SPON1: variants seen among roughly 807,000 people sequenced by gnomAD.
SPON1 encodes the protein spondin-1.
In SPON1, 52 loss-of-function variants were observed where a neutral mutation model predicts 111.7. The observed-to-expected ratio is 0.47, with a 90% CI of 0.37 to 0.59. SPON1 has a LOEUF of 0.59. Ranked by LOEUF, SPON1 falls within the 20% of genes least tolerant of loss-of-function variation. The probability of loss-of-function intolerance (pLI) is 0.00; values close to 1 mark genes in which losing one functional copy is unlikely to be tolerated. For missense variants in SPON1, 957 were observed against 1,068.5 expected (o/e 0.90, Z 1.46); for synonymous variants, 410 against 395.8 (o/e 1.04, Z -0.43).
chr11:13,967,606 A>G (rs1055658107), intron 1 of SPON1, among the ~76,000 whole-genome samples: 14 of 152,184 alleles, frequency 9.2e-5, no homozygotes, highest in African/African-American at 3.1e-4. Context: ...TTATATGACC[A>G]TGCCTGTAAA....
chr11:14,121,023 C>A, intron 5 of SPON1, among the ~76,000 whole-genome samples: 1 of 152,158 alleles, frequency 6.6e-6, no homozygotes, highest in Non-Finnish European at 1.5e-5. Context: ...CTGATGCATA[C>A]AACAACATGG....
chr11:14,012,533 C>T (rs1554913837), intron 2 of SPON1, among the ~76,000 whole-genome samples: 1 of 152,156 alleles, frequency 6.6e-6, no homozygotes, highest in Non-Finnish European at 1.5e-5. Flanking sequence ...AGACTTTTCT[C>T]CATAAATGCA....
At chr11:14,177,809 G>A (rs1420637248) in intron 6 of SPON1, among the ~76,000 whole-genome samples, 2 of 152,132 alleles carry the variant, frequency 1.3e-5, no homozygotes, top group Non-Finnish European at 2.9e-5. Context: ...CCTACACCCA[G>A]GAATGAACAA....
At position 14,052,264 on chromosome 11, in the gene SPON1, A is replaced by AGCAC. The variant is rs528596599; in HGVS notation, c.479+10611_479+10614dup. ...GATGAGTATTAAGAAGCAATTAGCT[A>AGCAC]GCACTCATAATACTTTGTAATTTCG... On this transcript the variant is annotated intron_variant, in intron 3 of 15. Transcript: ENST00000576479. Among the ~76,000 whole-genome samples, 5 of 152,384 alleles carry AGCAC rather than the reference A, an allele frequency of 3.3e-5. No individual in the cohort carries two copies. The South Asian group carries it at 6.2e-4, about 19-fold the overall frequency.
intron 3 of SPON1, among the ~76,000 whole-genome samples, chr11:14,073,926 G>T (rs1173553019): frequency 6.6e-6 from 1 of 152,182 alleles, no homozygotes; most frequent in Non-Finnish European, 1.5e-5. Context: ...TGGAGCCTTT[G>T]GCTGAAGCAG....
In SPON1 at chr11:14,265,696, C is replaced by G; in HGVS notation, c.*9C>G. On this transcript the variant is annotated 3_prime_UTR_variant, in exon 16 of 16. Coordinates refer to ENST00000576479, the MANE Select transcript of SPON1 (RefSeq NM_006108.4). ...ATGTTCATCCTTGTTAGCAAGGGTA[C>G]GAGTTCCCCAGGGCTGCACTCTAGA... 6.2e-7 allele frequency: 1 copy of G among 1,612,092 alleles called. No homozygotes were observed. Among genetic ancestry groups the G allele is most frequent in the Non-Finnish European group, 8.5e-7 (1 of 1,179,068 alleles).
chr11:14,176,227 A>G lies in SPON1; in HGVS notation c.825+40659A>G, dbSNP rs144702593. Among the ~76,000 whole-genome samples, 367 of 152,244 alleles carry G rather than the reference A, an allele frequency of 2.4e-3. 2 individuals are homozygous for G. The highest frequency in any genetic ancestry group is 8.5e-3 in the African/African-American group (354 of 41,538). On this transcript the variant is annotated intron_variant, in intron 6 of 15. Transcript: ENST00000576479. ...GCAACCCCTCTGAGATCCCTTCCAC[A>G]TATGCAAACACACACAAAGATGAGA...
In SPON1 at chr11:14,167,968, C is replaced by T. The variant is rs77410174; in HGVS notation, c.825+32400C>T. On this transcript the variant is annotated intron_variant, in intron 6 of 15. Transcript: ENST00000576479. ...AATCTATAAAATCCTCTGAACTGGACAAAATTACATTCTCTTTAACAAAAT... is the reference window on the plus strand; with the variant it reads ...AATCTATAAAATCCTCTGAACTGGATAAAATTACATTCTCTTTAACAAAAT... Among the ~76,000 whole-genome samples, 11 of 152,274 alleles carry T rather than the reference C, an allele frequency of 7.2e-5. No individual in the cohort carries two copies. In the East Asian group the frequency reaches 2.1e-3, roughly 29 times the overall value.
intron 2 of SPON1, among the ~76,000 whole-genome samples, chr11:14,026,803 AG>A (rs1190623230): frequency 3.3e-5 from 5 of 152,156 alleles, no homozygotes; most frequent in Admixed American, 3.3e-4. Context: ...AATGTTTTAA[AG>A]GGATTATATT....
chr11:13,979,598 G>A (rs558820251), intron 1 of SPON1, among the ~76,000 whole-genome samples: 8 of 152,162 alleles, frequency 5.3e-5, no homozygotes, highest in South Asian at 2.1e-4. Context: ...CAGATCCTGC[G>A]GGGCCATTTT....
intron 3 of SPON1, among the ~76,000 whole-genome samples, chr11:14,056,558 T>C (rs1848745917): frequency 6.6e-6 from 1 of 152,086 alleles, no homozygotes; most frequent in Admixed American, 6.5e-5. Flanking sequence ...AAAGTGGTCG[T>C]GTTAAATTAA....
intron 6 of SPON1, among the ~76,000 whole-genome samples, chr11:14,193,415 G>A (rs1182031476): frequency 6.6e-6 from 1 of 152,114 alleles, no homozygotes; most frequent in Non-Finnish European, 1.5e-5. Flanking sequence ...GGTGTATAAC[G>A]CCCAGGAGGA....
chr11:13,962,854 A>G lies in SPON1; in HGVS notation c.-51A>G. The G allele has an allele frequency of 2.1e-6, 3 of 1,397,696 alleles. No homozygotes were observed. The highest frequency in any genetic ancestry group is 2.8e-6 in the Non-Finnish European group (3 of 1,077,288). 86.6% of individuals were successfully genotyped at this position (1,397,696 alleles called of 1,614,324 possible). A position where few individuals can be genotyped will look rare whatever the true frequency, so the allele number is the denominator to read the frequency against. On this transcript the variant is annotated 5_prime_UTR_variant, in exon 1 of 16. Transcript: ENST00000576479. ...CTTCGTCGGGACCACTTCGGGCAGG[A>G]GTCGCGTGGCGAAGGCCTGCGGCCG...
At chr11:14,030,612 A>C (rs1554915932) in intron 2 of SPON1, among the ~76,000 whole-genome samples, 2 of 152,240 alleles carry the variant, frequency 1.3e-5, no homozygotes, top group Non-Finnish European at 2.9e-5. Context: ...TAATGCAAAA[A>C]GGGATGCTAG....
chr11:14,066,203 T>G (rs1442040448), intron 3 of SPON1, among the ~76,000 whole-genome samples: 4 of 152,124 alleles, frequency 2.6e-5, no homozygotes, highest in Non-Finnish European at 4.4e-5. Flanking sequence ...TAAAAGTAAT[T>G]TTTCAGTAAC....
Position 14,262,761 on chromosome 11 carries a change from G to C in SPON1, c.2046G>C (p.Lys682Asn). ...TEWSQWSECN[K>N]SCGKGHVIRT... ...GGTCCCAGTGGTCGGAATGTAACAAGTCATGTGGGAAAGGCCACGTGATTC... is the reference window on the plus strand; with the variant it reads ...GGTCCCAGTGGTCGGAATGTAACAACTCATGTGGGAAAGGCCACGTGATTC... The change falls in exon 15 of 16, where the codon AAG (lysine) becomes AAC (asparagine). Residue 682 changes from lysine (K) to asparagine (N), a missense_variant. By Grantham distance (94) the Lys-to-Asn change is moderately conservative. Around this residue, in one of 5 missense-constraint regions of SPON1, gnomAD observed 549 missense variants for 606.2 expected, o/e 0.91. Transcript: ENST00000576479. 1.2e-6 allele frequency: 2 copies of C among 1,613,990 alleles called. No individual in the cohort carries two copies. The highest frequency in any genetic ancestry group is 1.7e-6 in the Non-Finnish European group (2 of 1,179,896).
At chr11:13,985,848 G>C (rs1848178509) in intron 2 of SPON1, among the ~76,000 whole-genome samples, 1 of 152,066 alleles carries the variant, frequency 6.6e-6, no homozygotes. Context: ...CCCCTGCCCT[G>C]CCCTACCCTT....
chr11:14,079,779 A>G (rs1439062678), intron 4 of SPON1, 120 bp from the exon 5 acceptor site: 2 of 1,053,862 alleles, frequency 1.9e-6, no homozygotes, highest in East Asian at 2.5e-5. Flanking sequence ...AGTCTTATTA[A>G]CTAATGAAAG....
intron 5 of SPON1, among the ~76,000 whole-genome samples, chr11:14,095,904 C>T (rs559737032): frequency 5.3e-5 from 8 of 152,296 alleles, no homozygotes; most frequent in African/African-American, 1.7e-4. Context: ...TTCCTTCTTC[C>T]ATCACTGTGG....
Sources: gnomAD v4.1 joint callset for allele counts (sites outside exome capture counted in the v4.1 genomes callset) on GRCh38, gnomAD v4.1.1 for gene constraint, gnomAD v4.1.1 regional missense constraint, MANE v1.5 for transcripts, NCBI Gene and HGNC (gene_info 2026-07-23, HGNC 2026-07-21) for gene names.